PANK3: variants seen among roughly 807,000 people sequenced by gnomAD.
PANK3 encodes pantothenate kinase 3, also known as hPanK3.
PANK3 carries 20 observed loss-of-function variants against 39.4 expected under a neutral mutation model. The ratio of observed to expected loss-of-function variants is 0.51; its 90% CI spans 0.36 to 0.74. The LOEUF (loss-of-function observed/expected upper bound fraction) is 0.74, where lower values mean the gene tolerates loss of function less well. Ranked by LOEUF, PANK3 falls within the 30% of genes least tolerant of loss-of-function variation. The pLI is 0.00. For missense variants in PANK3, 265 were observed against 437.0 expected (o/e 0.61, Z 3.51); for synonymous variants, 140 against 157.3 (o/e 0.89, Z 0.82).
In PANK3 at chr5:168,557,011, A is replaced by AAAAAGATACTAATGGG. The variant is rs1342325055; in HGVS notation, c.*544_*559dup. On this transcript the variant is annotated 3_prime_UTR_variant, in exon 7 of 7. Transcript: ENST00000239231. ...ATTTCAGTTAATTATGGCATTTGAGAAAAAGATACTAATGGGGAAAGATCA... is the reference window on the plus strand; with the variant it reads ...ATTTCAGTTAATTATGGCATTTGAGAAAAAGATACTAATGGGAAAAGATACTAATGGGGAAAGATCA... 1 of 152,684 alleles carries AAAAAGATACTAATGGG rather than the reference A, an allele frequency of 6.5e-6. No individual in the cohort carries two copies. Among genetic ancestry groups the AAAAAGATACTAATGGG allele is most frequent in the African/African-American group, 2.4e-5 (1 of 41,462 alleles). The allele number at this position is 152,684 out of a possible 1,614,324, so 9.5% of individuals were successfully genotyped here. A position where few individuals can be genotyped will look rare whatever the true frequency, so the allele number is the denominator to read the frequency against.
In PANK3 at chr5:168,579,350, G is replaced by C; in HGVS notation, c.-67C>G. The C allele has an allele frequency of 4.5e-6, 6 of 1,339,494 alleles. No homozygotes were observed. The highest frequency in any genetic ancestry group is 5.9e-6 in the Non-Finnish European group (6 of 1,025,006). 83.0% of individuals were successfully genotyped at this position (1,339,494 alleles called of 1,614,324 possible). ...CACTGAGAGCAGAGGCGGCGACTCCGGAGGTGGCTGGGCCGCGCGGCGAGG... is the reference window on the plus strand; with the variant it reads ...CACTGAGAGCAGAGGCGGCGACTCCCGAGGTGGCTGGGCCGCGCGGCGAGG... On this transcript the variant is annotated 5_prime_UTR_variant, in exon 1 of 7. Transcript: ENST00000239231.
rs1218007047 is a variant in PANK3, at chr5:168,555,876, T to C, written c.*1695A>G. Reference sequence around the variant, plus strand: ...TTGGCATCCTGCCATTTCATTGTAGTGCCTATCATTTTTCCATTGATACTG... The same window carrying C: ...TTGGCATCCTGCCATTTCATTGTAGCGCCTATCATTTTTCCATTGATACTG... On this transcript the variant is annotated 3_prime_UTR_variant, in exon 7 of 7. Transcript: ENST00000239231. 2.0e-5 allele frequency: 3 copies of C among 152,278 alleles called. No individual in the cohort carries two copies. The highest frequency in any genetic ancestry group is 2.1e-4 in the South Asian group (1 of 4,838). The allele number at this position is 152,278 out of a possible 1,614,324, so 9.4% of individuals were successfully genotyped here.
At chr5:168,559,934 T>C (rs566094859) in intron 5 of PANK3, among the ~76,000 whole-genome samples, 2 of 152,338 alleles carry the variant, frequency 1.3e-5, no homozygotes, top group East Asian at 3.9e-4. Flanking sequence ...GATTCCACAC[T>C]AATTTGGTTT....
At position 168,548,965 on chromosome 5, in the gene PANK3, G is replaced by A. The variant is rs2113092006; in HGVS notation, c.*8606C>T. The A allele has an allele frequency of 6.6e-6, 1 of 152,290 alleles. No homozygotes were observed. The highest frequency in any genetic ancestry group is 2.1e-4 in the South Asian group (1 of 4,830). 9.4% of individuals were successfully genotyped at this position (152,290 alleles called of 1,614,324 possible). A position where few individuals can be genotyped will look rare whatever the true frequency, so the allele number is the denominator to read the frequency against. ...GGCAACTGAAACTGAAATGGCATGT[G>A]TAAGTAAAATTAATCCCCAAATTAA... On this transcript the variant is annotated 3_prime_UTR_variant, in exon 7 of 7. Coordinates refer to ENST00000239231, the MANE Select transcript of PANK3 (RefSeq NM_024594.4).
intron 2 of PANK3, among the ~76,000 whole-genome samples, chr5:168,566,519 C>T (rs1159181988): frequency 6.6e-6 from 1 of 152,120 alleles, no homozygotes; most frequent in Admixed American, 6.5e-5. Context: ...TGGGCAGGGA[C>T]TTGTGATGCC....
chr5:168,576,664 G>A (rs984825517), intron 1 of PANK3, among the ~76,000 whole-genome samples: 1 of 152,060 alleles, frequency 6.6e-6, no homozygotes, highest in African/African-American at 2.4e-5. Flanking sequence ...TAAATAATGT[G>A]AAGCCAAGGT....
In PANK3 at chr5:168,579,244, C is replaced by T; in HGVS notation, c.28+12G>A. ...GCCCTCCCAACCTGGCGGGCCCCAGCCCCCGTCTTACAGGGTTTCTTGGCA... is the reference window on the plus strand; with the variant it reads ...GCCCTCCCAACCTGGCGGGCCCCAGTCCCCGTCTTACAGGGTTTCTTGGCA... On this transcript the variant is annotated intron_variant, in intron 1 of 6. Coordinates refer to ENST00000239231, the MANE Select transcript of PANK3 (RefSeq NM_024594.4). 2.7e-6 allele frequency: 4 copies of T among 1,490,530 alleles called. No homozygotes were observed. The highest frequency in any genetic ancestry group is 3.6e-6 in the Non-Finnish European group (4 of 1,117,584). 92.3% of individuals were successfully genotyped at this position (1,490,530 alleles called of 1,614,324 possible).
rs943240934 is a variant in PANK3, at chr5:168,563,777, A to C, written c.812+112T>G. On this transcript the variant is annotated intron_variant, in intron 4 of 6. Coordinates refer to ENST00000239231, the MANE Select transcript of PANK3 (RefSeq NM_024594.4). The stretch of plus-strand genomic sequence containing the variant: ...TCAATGTTCAAAACTTGGAACCTAA[A>C]CTGGATAAGAGAAAGCACCCTTACA... The C allele has an allele frequency of 3.3e-6, 3 of 903,904 alleles. No individual in the cohort carries two copies. The East Asian group carries it at 8.8e-5, about 26-fold the overall frequency. The allele number at this position is 903,904 out of a possible 1,614,324, so 56.0% of individuals were successfully genotyped here. A position where few individuals can be genotyped will look rare whatever the true frequency, so the allele number is the denominator to read the frequency against.
chr5:168,550,606 T>C lies in PANK3; in HGVS notation c.*6965A>G, dbSNP rs1281740965. On this transcript the variant is annotated 3_prime_UTR_variant, in exon 7 of 7. Coordinates refer to ENST00000239231, the MANE Select transcript of PANK3 (RefSeq NM_024594.4). ...AATCACATATTAAGAGAGAATACCA[T>C]TCTACTGGTTTGGTGAGAATCCAAT... is the stretch of plus-strand genomic sequence containing the variant. The C allele has an allele frequency of 6.6e-6, 1 of 152,182 alleles. No individual in the cohort carries two copies. Among genetic ancestry groups the C allele is most frequent in the Non-Finnish European group, 1.5e-5 (1 of 68,020 alleles). 9.4% of individuals were successfully genotyped at this position (152,182 alleles called of 1,614,324 possible).
In PANK3 at chr5:168,553,783, GTT is replaced by G. The variant is rs1329982976; in HGVS notation, c.*3786_*3787del. 1 of 153,996 alleles carries G rather than the reference GTT, an allele frequency of 6.5e-6. No homozygotes were observed. The highest frequency in any genetic ancestry group is 1.4e-5 in the Non-Finnish European group (1 of 69,318). 9.5% of individuals were successfully genotyped at this position (153,996 alleles called of 1,614,324 possible). ...ACCTTCAAAGTGTCCTTGGCAGCAA[GTT>G]TTCAGGTCCTCAGTAATGCTATAAA... On this transcript the variant is annotated 3_prime_UTR_variant, in exon 7 of 7. Transcript: ENST00000239231.
At chr5:168,567,327 C>G (rs1272324590) in intron 2 of PANK3, among the ~76,000 whole-genome samples, 1 of 152,162 alleles carries the variant, frequency 6.6e-6, no homozygotes, top group Non-Finnish European at 1.5e-5. Context: ...GTTTGTTAAT[C>G]TACCCACGGA....
At chr5:168,568,540 T>C (rs1759570730) in intron 2 of PANK3, 106 bp downstream of exon 2, 2 of 866,150 alleles carry the variant, frequency 2.3e-6, no homozygotes, top group Non-Finnish European at 3.5e-6. Context: ...TGGATACATA[T>C]TTCCCACTGC....
chr5:168,557,847 A>T (rs1392062109), intron 6 of PANK3, among the ~76,000 whole-genome samples: 1 of 152,198 alleles, frequency 6.6e-6, no homozygotes, highest in Non-Finnish European at 1.5e-5. Context: ...ATTTTTAGAG[A>T]CATGGTCTCA....
chr5:168,550,789 ACC>A lies in PANK3; in HGVS notation c.*6780_*6781del, dbSNP rs796586978. 19 of 152,278 alleles carry A rather than the reference ACC, an allele frequency of 1.2e-4. No individual in the cohort carries two copies. Among genetic ancestry groups the A allele is most frequent in the African/African-American group, 4.6e-4 (19 of 41,560 alleles). 9.4% of individuals were successfully genotyped at this position (152,278 alleles called of 1,614,324 possible). A position where few individuals can be genotyped will look rare whatever the true frequency, so the allele number is the denominator to read the frequency against. On this transcript the variant is annotated 3_prime_UTR_variant, in exon 7 of 7. Transcript: ENST00000239231. Reference sequence around the variant, plus strand: ...CCATGAATGAAGCAATTTTCTCAGGACCCTGAAAACTGACTCATTTCCCATCA... The same window carrying A: ...CCATGAATGAAGCAATTTTCTCAGGACTGAAAACTGACTCATTTCCCATCA...
chr5:168,557,764 AT>A, intron 6 of PANK3, 143 bp from the exon 7 acceptor site: 1 of 612,626 alleles, frequency 1.6e-6, no homozygotes, highest in Non-Finnish European at 2.7e-6. Flanking sequence ...GTTAGCTATT[AT>A]AAAAAATTTT....
chr5:168,551,087 C>T lies in PANK3; in HGVS notation c.*6484G>A, dbSNP rs1338441864. On this transcript the variant is annotated 3_prime_UTR_variant, in exon 7 of 7. Transcript: ENST00000239231. Reference sequence around the variant, plus strand: ...GAATGGGCTATCCAAATACTCTTAACAGAAGGAATTCCTTTTTTAGGTCTT... The same window carrying T: ...GAATGGGCTATCCAAATACTCTTAATAGAAGGAATTCCTTTTTTAGGTCTT... 1 of 152,124 alleles carries T rather than the reference C, an allele frequency of 6.6e-6. No homozygotes were observed. Among genetic ancestry groups the T allele is most frequent in the African/African-American group, 2.4e-5 (1 of 41,438 alleles). The allele number at this position is 152,124 out of a possible 1,614,324, so 9.4% of individuals were successfully genotyped here.
chr5:168,566,679 CCTAT>C (rs1418339455), intron 2 of PANK3, among the ~76,000 whole-genome samples: 2 of 152,122 alleles, frequency 1.3e-5, no homozygotes, highest in East Asian at 1.9e-4. Flanking sequence ...AGTTATTTTA[CCTAT>C]CTGTCTGTGT....
In PANK3 at chr5:168,553,037, C is replaced by T. The variant is rs1400230411; in HGVS notation, c.*4534G>A. ...TGTCCTGGGACACATCCTGAGTCCC[C>T]TACAATTGCTGAAGGATCTCATTAG... is the stretch of plus-strand genomic sequence containing the variant. On this transcript the variant is annotated 3_prime_UTR_variant, in exon 7 of 7. Transcript: ENST00000239231. 9.0e-6 allele frequency: 3 copies of T among 333,758 alleles called. No individual in the cohort carries two copies. Among genetic ancestry groups the T allele is most frequent in the Non-Finnish European group, 1.8e-5 (3 of 168,262 alleles). The allele number at this position is 333,758 out of a possible 1,614,324, so 20.7% of individuals were successfully genotyped here. A position where few individuals can be genotyped will look rare whatever the true frequency, so the allele number is the denominator to read the frequency against.
At chr5:168,570,104 C>CG (rs1460787735) in intron 1 of PANK3, among the ~76,000 whole-genome samples, 1 of 152,042 alleles carries the variant, frequency 6.6e-6, no homozygotes, top group Non-Finnish European at 1.5e-5. Context: ...ATCTCCAGGC[C>CG]GGGCGCGGTG....
Sources: gnomAD v4.1 joint callset for allele counts (sites outside exome capture counted in the v4.1 genomes callset) on GRCh38, gnomAD v4.1.1 for gene constraint, MANE v1.5 for transcripts, NCBI Gene and HGNC (gene_info 2026-07-23, HGNC 2026-07-21) for gene names.